The following KCNB2 variants were observed in gnomAD, a reference collection of about 807,000 sequenced individuals.
KCNB2 encodes potassium voltage-gated channel subfamily B member 2.
A neutral mutation model predicts 61.5 loss-of-function variants in KCNB2; 15 were observed. The ratio of observed to expected loss-of-function variants is 0.24; its 90% CI spans 0.16 to 0.38. KCNB2 has a LOEUF of 0.38. KCNB2 is among the 10% of genes least tolerant of loss of function. KCNB2 has a pLI of 1.00. For synonymous variants in KCNB2, 457 were observed against 446.0 expected, an observed-to-expected ratio of 1.02 and a Z score of -0.31; for missense variants, 828 against 1,125.2, an observed-to-expected ratio of 0.74 and a Z score of 3.78.
chr8:72,624,845 T>G (rs894086695), intron 2 of KCNB2, among the ~76,000 whole-genome samples: 1 of 152,224 alleles, frequency 6.6e-6, no homozygotes, highest in African/African-American at 2.4e-5. Flanking sequence ...CTCTCCTTGC[T>G]GGCTTTGAAG....
intron 2 of KCNB2, among the ~76,000 whole-genome samples, chr8:72,630,015 G>C (rs1007282303): frequency 6.6e-6 from 1 of 152,128 alleles, no homozygotes; most frequent in South Asian, 2.1e-4. Context: ...TTTGAAGCAT[G>C]GTTGTCTGTT....
At chr8:72,914,025 T>G (rs1172385195) in intron 2 of KCNB2, among the ~76,000 whole-genome samples, 1 of 152,200 alleles carries the variant, frequency 6.6e-6, no homozygotes, top group African/African-American at 2.4e-5. Flanking sequence ...AACTTATAAA[T>G]GACAGAAATT....
intron 2 of KCNB2, among the ~76,000 whole-genome samples, chr8:72,604,261 A>T (rs1005644589): frequency 2.0e-5 from 3 of 152,182 alleles, no homozygotes; most frequent in African/African-American, 7.2e-5. Flanking sequence ...ACCTATACAC[A>T]ATGAATGCTC....
At chr8:72,596,992 G>A (rs1278998193) in intron 2 of KCNB2, among the ~76,000 whole-genome samples, 1 of 116,230 alleles carries the variant, frequency 8.6e-6, no homozygotes, top group Non-Finnish European at 1.7e-5. Context: ...TTGCTTGCTT[G>A]CTTGCTTGCT....
intron 2 of KCNB2, among the ~76,000 whole-genome samples, chr8:72,830,606 A>G (rs745898258): frequency 6.6e-6 from 1 of 152,172 alleles, no homozygotes; most frequent in African/African-American, 2.4e-5. Context: ...TTCCATTTTA[A>G]TATCTATGGA....
At chr8:72,844,818 T>G (rs1312935627) in intron 2 of KCNB2, among the ~76,000 whole-genome samples, 1 of 152,226 alleles carries the variant, frequency 6.6e-6, no homozygotes, top group Admixed American at 6.5e-5. Context: ...CTAAACTGGT[T>G]ATTCTAGTTA....
At chr8:72,610,800 T>C (rs1033073823) in intron 2 of KCNB2, among the ~76,000 whole-genome samples, 1 of 152,190 alleles carries the variant, frequency 6.6e-6, no homozygotes, top group Admixed American at 6.5e-5. Context: ...ACAAGTGGTT[T>C]ACGTAACATA....
chr8:72,725,351 A>G (rs1162889044), intron 2 of KCNB2, among the ~76,000 whole-genome samples: 1 of 151,658 alleles, frequency 6.6e-6, no homozygotes. Context: ...AAGAACAAGA[A>G]GAGTTGTAGT....
intron 2 of KCNB2, among the ~76,000 whole-genome samples, chr8:72,627,382 A>G (rs1805806599): frequency 6.6e-6 from 1 of 152,208 alleles, no homozygotes; most frequent in African/African-American, 2.4e-5. Flanking sequence ...ATAACTAATC[A>G]TATTTTCTAT....
intron 2 of KCNB2, among the ~76,000 whole-genome samples, chr8:72,870,128 TTCCTAGAGTAGTCACA>T (rs1407389753): frequency 6.6e-6 from 1 of 152,140 alleles, no homozygotes; most frequent in Non-Finnish European, 1.5e-5. Context: ...TTATATGAAG[TTCCTAGAGTAGTCACA>T]TTCATAGAGC....
At chr8:72,677,848 G>A (rs889795041) in intron 2 of KCNB2, among the ~76,000 whole-genome samples, 5 of 152,102 alleles carry the variant, frequency 3.3e-5, no homozygotes, top group African/African-American at 1.2e-4. Flanking sequence ...CTAATAAGAT[G>A]CTCTGAATCT....
At chr8:72,621,756 A>C (rs1805716533) in intron 2 of KCNB2, among the ~76,000 whole-genome samples, 1 of 152,160 alleles carries the variant, frequency 6.6e-6, no homozygotes, top group African/African-American at 2.4e-5. Context: ...TTTAGACTAA[A>C]ATTCTCAATG....
At chr8:72,917,325 T>C (rs190611359) in intron 2 of KCNB2, among the ~76,000 whole-genome samples, 1 of 152,342 alleles carries the variant, frequency 6.6e-6, no homozygotes, top group Admixed American at 6.5e-5. Context: ...GTAAATACTA[T>C]AATCAGTTGA....
intron 2 of KCNB2, among the ~76,000 whole-genome samples, chr8:72,643,572 G>T (rs754578794): frequency 1.3e-5 from 2 of 152,108 alleles, no homozygotes; most frequent in South Asian, 4.1e-4. Context: ...GTGTTGGCTT[G>T]CCTTTTGATG....
At chr8:72,710,922 G>A (rs902845773) in intron 2 of KCNB2, among the ~76,000 whole-genome samples, 2 of 152,100 alleles carry the variant, frequency 1.3e-5, no homozygotes, top group African/African-American at 2.4e-5. Context: ...CTCTTTATTC[G>A]TTCATCAATA....
chr8:72,917,545 C>T (rs1806425888), intron 2 of KCNB2, among the ~76,000 whole-genome samples: 1 of 152,076 alleles, frequency 6.6e-6, no homozygotes, highest in South Asian at 2.1e-4. Flanking sequence ...TCTTAATTGG[C>T]AATTGTATGT....
chr8:72,850,859 G>C (rs1449989376), intron 2 of KCNB2, among the ~76,000 whole-genome samples: 4 of 151,794 alleles, frequency 2.6e-5, no homozygotes, highest in Non-Finnish European at 5.9e-5. Context: ...TTCTGTATGA[G>C]TATCAATCTT....
intron 2 of KCNB2, among the ~76,000 whole-genome samples, chr8:72,700,487 C>T (rs1253339915): frequency 1.3e-5 from 2 of 151,914 alleles, no homozygotes; most frequent in African/African-American, 4.8e-5. Context: ...TCAGAGAAGA[C>T]AAATCAAAAC....
At chr8:72,611,348 T>C (rs1249951926) in intron 2 of KCNB2, among the ~76,000 whole-genome samples, 1 of 152,210 alleles carries the variant, frequency 6.6e-6, no homozygotes, top group Non-Finnish European at 1.5e-5. Flanking sequence ...TAAATGTAGA[T>C]AGGGTCACCG....
Sources: gnomAD v4.1 joint callset for allele counts (sites outside exome capture counted in the v4.1 genomes callset) on GRCh38, gnomAD v4.1.1 for gene constraint, MANE v1.5 for transcripts, NCBI Gene and HGNC (gene_info 2026-07-23, HGNC 2026-07-21) for gene names.